Variants in DEAF1 observed in about 807,000 individuals in gnomAD.
The protein encoded by DEAF1 is DEAF1 transcription factor.
DEAF1 carries 53 observed loss-of-function variants against 58.9 expected under a neutral mutation model. The observed-to-expected ratio is 0.90, with a 90% CI of 0.72 to 1.13. The LOEUF (loss-of-function observed/expected upper bound fraction) is 1.13. DEAF1 is among the 50% of genes most tolerant of loss of function. DEAF1 has a pLI of 0.00. For synonymous variants in DEAF1, 385 were observed against 340.4 expected (o/e 1.13, Z -1.44); for missense variants, 685 against 791.4 (o/e 0.87, Z 1.61).
chr11:691,344 C>T (rs369180843), intron 2 of DEAF1, among the ~76,000 whole-genome samples, 157 bp downstream of exon 2: 3 of 152,234 alleles, frequency 2.0e-5, no homozygotes, highest in Non-Finnish European at 1.5e-5. Flanking sequence ...CAGCACAGCC[C>T]GAAGGCCTCT....
chr11:682,157 G>A (rs751980751), intron 6 of DEAF1, among the ~76,000 whole-genome samples: 6 of 152,152 alleles, frequency 3.9e-5, no homozygotes, highest in Non-Finnish European at 8.8e-5. Context: ...TTGGTGGTGG[G>A]AGTTTTGGCT....
At chr11:703,189 C>T (rs1294625264) in intron 1 of DEAF1, 1 of 1,566,280 alleles carries the variant, frequency 6.4e-7, no homozygotes, top group African/African-American at 1.4e-5. Flanking sequence ...GGGCCCTCCT[C>T]CTGGGCCTGA....
At chr11:687,148 G>A (rs1860629278) in intron 4 of DEAF1, 151 bp from the exon 5 acceptor site, 17 of 1,155,490 alleles carry the variant, frequency 1.5e-5, no homozygotes, top group Non-Finnish European at 1.7e-5. Flanking sequence ...GCCCTGACAG[G>A]TCCACCACGG....
intron 10 of DEAF1, among the ~76,000 whole-genome samples, chr11:666,888 A>G (rs921184999): frequency 2.6e-5 from 4 of 151,594 alleles, no homozygotes; most frequent in Admixed American, 1.3e-4. Context: ...AAAAAAAAAA[A>G]AAAAAAAAAG....
chr11:704,932 G>T (rs1861651070), intron 1 of DEAF1: 1 of 347,374 alleles, frequency 2.9e-6, no homozygotes. Context: ...CGAGGGGTTG[G>T]CGTGTGTGAC....
chr11:686,949 G>C lies in DEAF1; in HGVS notation c.713C>G (p.Thr238Ser). ...IKQGENWYSP[T>S]EFEAMAGRAS... ...TCTTCCTGCCATGGCCTCAAACTCG[G>C]TGGGACTGTACCAGTTCTCCCCCTG... The change falls in exon 5 of 12, where the codon ACC becomes AGC. Residue 238 changes from threonine (T) to serine (S), a missense_variant. Thr to Ser is a moderately conservative substitution (Grantham distance 58). Coordinates refer to ENST00000382409, the MANE Select transcript of DEAF1 (RefSeq NM_021008.4). The C allele has an allele frequency of 6.2e-7, 1 of 1,614,216 alleles. No individual in the cohort carries two copies. Among genetic ancestry groups the C allele is most frequent in the Non-Finnish European group, 8.5e-7 (1 of 1,180,040 alleles).
intron 1 of DEAF1, 86 bp from the exon 2 acceptor site, chr11:691,684 T>C (rs895330712): frequency 1.7e-6 from 2 of 1,147,352 alleles, no homozygotes; most frequent in Non-Finnish European, 2.6e-6. Flanking sequence ...TCAAACAAAG[T>C]GACTCCCCCT....
chr11:688,196 T>C lies in DEAF1; in HGVS notation c.517+135A>G. ...TTCTTGGTCAGGAAAATTCCAATGC[T>C]TTTACTTAAAATCTATTAATAGATG... On this transcript the variant is annotated intron_variant, in intron 3 of 11. Transcript: ENST00000382409. The surrounding 1 kb of genome is among the most constrained non-coding windows in gnomAD (Gnocchi z 4.3). 6.6e-7 allele frequency: 1 copy of C among 1,520,764 alleles called. No individual in the cohort carries two copies. Among genetic ancestry groups the C allele is most frequent in the Non-Finnish European group, 8.9e-7 (1 of 1,121,980 alleles). The allele number at this position is 1,520,764 out of a possible 1,614,324, so 94.2% of individuals were successfully genotyped here.
At chr11:658,588 A>G (rs1009858822) in intron 10 of DEAF1, among the ~76,000 whole-genome samples, 1 of 152,282 alleles carries the variant, frequency 6.6e-6, no homozygotes, top group African/African-American at 2.4e-5. Context: ...CGGATGGCAC[A>G]AAGGGCAGAA....
intron 10 of DEAF1, among the ~76,000 whole-genome samples, chr11:656,300 C>T (rs1005707126): frequency 2.6e-5 from 4 of 152,062 alleles, no homozygotes; most frequent in African/African-American, 9.7e-5. Flanking sequence ...GGATTATAGG[C>T]GCTTGCCACC....
At chr11:662,156 G>A (rs988178702) in intron 10 of DEAF1, among the ~76,000 whole-genome samples, 2 of 152,196 alleles carry the variant, frequency 1.3e-5, no homozygotes. Flanking sequence ...GTGCGCACCT[G>A]TAATCCCAGC....
At chr11:693,597 G>C (rs1860930993) in intron 1 of DEAF1, 1 of 152,324 alleles carries the variant, frequency 6.6e-6, no homozygotes, top group South Asian at 2.1e-4. Context: ...ACACTGAGCT[G>C]TGAGTCCCTG....
chr11:668,639 C>G (rs994545179), intron 10 of DEAF1, among the ~76,000 whole-genome samples: 1 of 152,074 alleles, frequency 6.6e-6, no homozygotes, highest in African/African-American at 2.4e-5. Context: ...CCTGGCAACA[C>G]AGTGAGACCC....
Position 695,033 on chromosome 11 carries a change from G to T in DEAF1, c.15C>A (p.Asp5Glu). 1 of 1,422,080 alleles carries T rather than the reference G, an allele frequency of 7.0e-7. No individual in the cohort carries two copies. Among genetic ancestry groups the T allele is most frequent in the East Asian group, 3.3e-5 (1 of 30,536 alleles). 88.1% of individuals were successfully genotyped at this position (1,422,080 alleles called of 1,614,324 possible). MEDSDSAAKQLGLAE... is the reference protein window; with the variant it reads MEDSESAAKQLGLAE... ...CCAGGCCCAGCTGCTTTGCCGCCGA[G>T]TCCGAGTCCTCCATCCGGACTCCGC... Residue 5 changes from aspartate to glutamate, a missense_variant, in exon 1 of 12, where the codon GAC becomes GAA. Asp to Glu is a conservative substitution (Grantham distance 45, BLOSUM62 2). This residue lies in a region of DEAF1 where 210 missense variants were observed against 177.3 expected (regional missense o/e 1.18). Coordinates refer to ENST00000382409, the MANE Select transcript of DEAF1 (RefSeq NM_021008.4).
chr11:693,522 C>T (rs1002669937), intron 1 of DEAF1: 1 of 152,378 alleles, frequency 6.6e-6, no homozygotes, highest in African/African-American at 2.4e-5. Flanking sequence ...AGTTCCTCAA[C>T]CCGCAAAGCT....
At chr11:689,194 TTC>T (rs1193090241) in intron 2 of DEAF1, among the ~76,000 whole-genome samples, 9 of 143,086 alleles carry the variant, frequency 6.3e-5, no homozygotes, top group Middle Eastern at 3.5e-3. Flanking sequence ...GTTTCTTTTT[TTC>T]TTTTTCTTTT....
intron 11 of DEAF1, among the ~76,000 whole-genome samples, chr11:647,800 C>A (rs575447599): frequency 3.3e-5 from 5 of 151,548 alleles, no homozygotes; most frequent in South Asian, 4.2e-4. Flanking sequence ...GTGACTCAAT[C>A]CAGGCAGTGC....
chr11:653,988 A>C lies in DEAF1; in HGVS notation c.1567T>G (p.Tyr523Asp). The C allele has an allele frequency of 6.2e-7, 1 of 1,613,906 alleles. No homozygotes were observed. The highest frequency in any genetic ancestry group is 8.5e-7 in the Non-Finnish European group (1 of 1,179,948). The part of the protein sequence containing the change: ...SECTGCHKVN[Y>D]CSTFCQRKDW... ...TTGCGTTGGCAGAAGGTGGAGCAGT[A>C]GTTGACCTTGTGGCAGCCGGTGCAC... The change falls in exon 11 of 12, where the codon TAC (tyrosine) becomes GAC (aspartate). Residue 523 changes from tyrosine to aspartate, a missense_variant. Tyr to Asp is a radical substitution (Grantham distance 160). Coordinates refer to ENST00000382409, the MANE Select transcript of DEAF1 (RefSeq NM_021008.4).
rs946620863 is a variant in DEAF1, at chr11:644,342, C to T, written c.*208G>A. 34 of 621,536 alleles carry T rather than the reference C, an allele frequency of 5.5e-5. No individual in the cohort carries two copies. The highest frequency in any genetic ancestry group is 5.3e-4 in the African/African-American group (29 of 54,808). 38.5% of individuals were successfully genotyped at this position (621,536 alleles called of 1,614,324 possible). A position where few individuals can be genotyped will look rare whatever the true frequency, so the allele number is the denominator to read the frequency against. On this transcript the variant is annotated 3_prime_UTR_variant, in exon 12 of 12. Coordinates refer to ENST00000382409, the MANE Select transcript of DEAF1 (RefSeq NM_021008.4). This position sits in a 1 kb window ranked among gnomAD's most constrained non-coding sequence, Gnocchi z 4.3. ...TGATCCCAGGGATAAAAAATCTGTCCGCGAGCGGGCAGGGGGCCCGGGCAG... is the reference window on the plus strand; with the variant it reads ...TGATCCCAGGGATAAAAAATCTGTCTGCGAGCGGGCAGGGGGCCCGGGCAG...
Sources: allele counts gnomAD v4.1 joint callset (sites outside exome capture counted in the v4.1 genomes callset), GRCh38; gene constraint gnomAD v4.1.1; regional missense constraint gnomAD v4.1.1; non-coding constraint Gnocchi (gnomAD v3.1); transcripts MANE v1.5; gene names NCBI Gene and HGNC (gene_info 2026-07-23, HGNC 2026-07-21).